The following ZCCHC2 variants were observed in gnomAD, a reference collection of about 807,000 sequenced individuals.
The protein encoded by ZCCHC2 is zinc finger CCHC domain-containing protein 2.
In ZCCHC2, 39 loss-of-function variants were observed where a neutral mutation model predicts 103.6. The observed-to-expected ratio is 0.38, with a 90% CI of 0.29 to 0.49. ZCCHC2 has a LOEUF of 0.49. Ranked by LOEUF, ZCCHC2 falls within the 20% of genes least tolerant of loss-of-function variation. ZCCHC2 has a pLI of 0.96. For missense variants in ZCCHC2, 1,483 were observed against 1,491.0 expected, an observed-to-expected ratio of 0.99 and a Z score of 0.09; for synonymous variants, 687 against 608.9, an observed-to-expected ratio of 1.13 and a Z score of -1.89.
chr18:62,567,868 C>G (rs959115511), intron 11 of ZCCHC2, among the ~76,000 whole-genome samples: 3 of 142,700 alleles, frequency 2.1e-5, no homozygotes, highest in African/African-American at 7.9e-5. Context: ...TCACTTGAAC[C>G]CGGGAGGTGG....
chr18:62,549,998 T>G (rs1442188320), intron 4 of ZCCHC2, among the ~76,000 whole-genome samples: 1 of 152,242 alleles, frequency 6.6e-6, no homozygotes, highest in African/African-American at 2.4e-5. Context: ...GAGCAGAATC[T>G]TCACCTTAAC....
At chr18:62,579,349 C>A (rs1568562603), downstream of ZCCHC2, among the ~76,000 whole-genome samples, 2 of 152,150 alleles carry the variant, frequency 1.3e-5, no homozygotes, top group African/African-American at 4.8e-5. Context: ...TGGCTGTAAT[C>A]CAGGCTCAAA....
At chr18:62,540,752 A>G (rs1250897995) in intron 2 of ZCCHC2, among the ~76,000 whole-genome samples, 5 of 152,164 alleles carry the variant, frequency 3.3e-5, no homozygotes, top group Non-Finnish European at 5.9e-5. Context: ...GTGGTACTGT[A>G]GATTATTTTT....
chr18:62,532,806 C>T (rs1051084449), intron 1 of ZCCHC2, among the ~76,000 whole-genome samples: 1 of 152,140 alleles, frequency 6.6e-6, no homozygotes, highest in East Asian at 1.9e-4. Context: ...GAAGCTGAGG[C>T]GGGTGGATTG....
At chr18:62,567,805 TGTG>T (rs1005451618) in intron 11 of ZCCHC2, among the ~76,000 whole-genome samples, 3 of 151,714 alleles carry the variant, frequency 2.0e-5, no homozygotes, top group East Asian at 1.9e-4. Context: ...ATTAGCCAGA[TGTG>T]GTGGTGCACA....
chr18:62,525,359 T>G (rs958960788), intron 1 of ZCCHC2: 1 of 151,924 alleles, frequency 6.6e-6, no homozygotes, highest in Non-Finnish European at 1.5e-5. Context: ...TAGGTTTCAG[T>G]AAGAGTGAGA....
intron 11 of ZCCHC2, 111 bp from the exon 12 acceptor site, chr18:62,569,991 GT>G (rs1916528080): frequency 9.7e-7 from 1 of 1,034,476 alleles, no homozygotes; most frequent in Admixed American, 3.0e-5. Context: ...TTTTTAGATG[GT>G]TGTGGGGAAA....
intron 1 of ZCCHC2, chr18:62,524,951 C>T (rs1914301636): frequency 1.3e-5 from 2 of 152,612 alleles, no homozygotes; most frequent in African/African-American, 4.8e-5. Flanking sequence ...TCGTACGGGT[C>T]CTTGTGGCTT....
At chr18:62,558,544 T>C (rs778234404) in intron 6 of ZCCHC2, 143 bp from the exon 7 acceptor site, 10 of 501,184 alleles carry the variant, frequency 2.0e-5, no homozygotes, top group Middle Eastern at 5.5e-4. Flanking sequence ...TTGGGCTGTG[T>C]CATCTTGCCT....
chr18:62,549,157 T>TG (rs1915553598), intron 4 of ZCCHC2, among the ~76,000 whole-genome samples: 1 of 151,604 alleles, frequency 6.6e-6, no homozygotes, highest in African/African-American at 2.4e-5. Context: ...AGGTGGAGCT[T>TG]GCAGTGAGCC....
chr18:62,576,843 GCT>G lies in ZCCHC2; in HGVS notation c.*265_*266del. ...CAGACAAACTTAAATGTTGGTGCGT[GCT>G]TTTTTTTTTTTTTTTACACTGAATA... On this transcript the variant is annotated 3_prime_UTR_variant, in exon 14 of 14. Coordinates refer to ENST00000269499, the MANE Select transcript of ZCCHC2 (RefSeq NM_017742.6). 1 of 197,940 alleles carries G rather than the reference GCT, an allele frequency of 5.1e-6. No homozygotes were observed. The highest frequency in any genetic ancestry group is 8.4e-6 in the Non-Finnish European group (1 of 118,958). 12.3% of individuals were successfully genotyped at this position (197,940 alleles called of 1,614,324 possible). A position where few individuals can be genotyped will look rare whatever the true frequency, so the allele number is the denominator to read the frequency against.
chr18:62,561,301 G>A (rs545808170), intron 8 of ZCCHC2, among the ~76,000 whole-genome samples: 5 of 152,262 alleles, frequency 3.3e-5, no homozygotes, highest in Admixed American at 1.3e-4. Flanking sequence ...GTTACTTTCC[G>A]TGAGCTTTTG....
rs745396412 is a variant in ZCCHC2, at chr18:62,574,745, C to A, written c.2664C>A (p.Asn888Lys). The change falls in exon 13 of 14, where the codon AAC becomes AAA. Residue 888 changes from asparagine to lysine, a missense_variant. Transcript: ENST00000269499. ...AAATGGTGCCTCAAATTGAGGGAAA[C>A]ACAGGGACAGTCCCTCAGCCTACCA... ...LNQMVPQIEG[N>K]TGTVPQPTNV... 5.6e-6 allele frequency: 9 copies of A among 1,614,012 alleles called. No homozygotes were observed. The East Asian group carries it at 2.0e-4, about 36-fold the overall frequency.
chr18:62,526,470 T>A (rs752341750), intron 1 of ZCCHC2: 2 of 152,434 alleles, frequency 1.3e-5, no homozygotes, highest in Non-Finnish European at 2.9e-5. Flanking sequence ...TAGAGTGACC[T>A]CCGAGTCCCA....
At position 62,575,024 on chromosome 18, in the gene ZCCHC2, G is replaced by T. The variant is rs369047194; in HGVS notation, c.2943G>T (p.Ala981=). The change falls in exon 13 of 14, where the codon GCG becomes GCT. Residue 981 remains alanine, a synonymous_variant. Coordinates refer to ENST00000269499, the MANE Select transcript of ZCCHC2 (RefSeq NM_017742.6). ...SPSPALTHST[A]QSDSTSYISA... ...GCCCTGCCTTGACACACAGTACCGC[G>T]CAGAGTGACAGCACCTCTTACATCA... 19 of 1,613,984 alleles carry T rather than the reference G, an allele frequency of 1.2e-5. No individual in the cohort carries two copies. Among genetic ancestry groups the T allele is most frequent in the South Asian group, 7.7e-5 (7 of 91,078 alleles).
At chr18:62,569,725 T>C (rs1916517765) in intron 11 of ZCCHC2, among the ~76,000 whole-genome samples, 1 of 152,142 alleles carries the variant, frequency 6.6e-6, no homozygotes, top group Non-Finnish European at 1.5e-5. Context: ...TTTCATTGAA[T>C]AGGCATTTTG....
At chr18:62,572,713 C>A (rs574357275) in intron 12 of ZCCHC2, among the ~76,000 whole-genome samples, 31 of 152,274 alleles carry the variant, frequency 2.0e-4, no homozygotes, top group African/African-American at 6.5e-4. Context: ...GCTTAGAAAA[C>A]CAACTGGGAG....
At chr18:62,558,614 A>T (rs1915988328) in intron 6 of ZCCHC2, 73 bp from the exon 7 acceptor site, 1 of 952,170 alleles carries the variant, frequency 1.1e-6, no homozygotes, top group African/African-American at 1.7e-5. Context: ...CTTAGGTAAA[A>T]AAACAATTAT....
intron 2 of ZCCHC2, among the ~76,000 whole-genome samples, chr18:62,540,450 T>C (rs1915122155): frequency 6.7e-6 from 1 of 149,624 alleles, no homozygotes; most frequent in Non-Finnish European, 1.5e-5. Flanking sequence ...TTTTTTTTTT[T>C]ACCAGTAATA....
Sources: allele counts gnomAD v4.1 joint callset (sites outside exome capture counted in the v4.1 genomes callset), GRCh38; gene constraint gnomAD v4.1.1; transcripts MANE v1.5; gene names NCBI Gene and HGNC (gene_info 2026-07-23, HGNC 2026-07-21).